The following SLCO1B3 variants were observed in gnomAD, a reference collection of about 807,000 sequenced individuals.
The protein encoded by SLCO1B3 is solute carrier organic anion transporter family member 1B3, also known as liver-specific organic anion transporter 2.
A neutral mutation model predicts 71.8 loss-of-function variants in SLCO1B3; 72 were observed. The ratio of observed to expected loss-of-function variants is 1.00; its 90% confidence interval spans 0.83 to 1.22. The LOEUF is 1.22. Ranked by LOEUF, SLCO1B3 falls within the 50% of genes most tolerant of loss-of-function variation. The probability of loss-of-function intolerance (pLI) is 0.00; values close to 1 mark genes in which losing one functional copy is unlikely to be tolerated. For synonymous variants in SLCO1B3, 298 were observed against 278.4 expected, an observed-to-expected ratio of 1.07 and a Z score of -0.70; for missense variants, 911 against 819.7, an observed-to-expected ratio of 1.11 and a Z score of -1.36.
chr12:20,862,642 A>G, intron 7 of SLCO1B3, 84 bp downstream of exon 7: 1 of 1,462,940 alleles, frequency 6.8e-7, no homozygotes, highest in South Asian at 1.3e-5. Flanking sequence ...TTTTTCTTTT[A>G]CCTATTAGAA....
At chr12:20,876,975 C>G (rs1450474546) in intron 9 of SLCO1B3, among the ~76,000 whole-genome samples, 1 of 152,004 alleles carries the variant, frequency 6.6e-6, no homozygotes, top group East Asian at 1.9e-4. Context: ...GGACTACAGG[C>G]ACACACTGCC....
At chr12:20,822,561 G>A (rs912969999) in intron 3 of SLCO1B3, among the ~76,000 whole-genome samples, 10 of 152,128 alleles carry the variant, frequency 6.6e-5, no homozygotes, top group African/African-American at 9.7e-5. Flanking sequence ...CCATCTCGGC[G>A]TATACGTGCA....
At chr12:20,886,518 G>C (rs1453700233) in intron 13 of SLCO1B3, among the ~76,000 whole-genome samples, 1 of 152,018 alleles carries the variant, frequency 6.6e-6, no homozygotes, top group African/African-American at 2.4e-5. Context: ...ATTGGGAAAG[G>C]ATCATGTCCT....
intron 2 of SLCO1B3, among the ~76,000 whole-genome samples, 159 bp from the exon 3 acceptor site, chr12:20,815,515 C>T (rs547981774): frequency 6.6e-6 from 1 of 152,168 alleles, no homozygotes; most frequent in East Asian, 1.9e-4. Flanking sequence ...CTTTCCTCCT[C>T]TGTGTCCAGC....
At chr12:20,860,933 A>C (rs943943196) in intron 5 of SLCO1B3, 84 bp from the exon 6 acceptor site, 28 of 1,346,038 alleles carry the variant, frequency 2.1e-5, no homozygotes, top group Admixed American at 4.9e-5. Flanking sequence ...GTTCAAATAA[A>C]GGAGAAAATT....
chr12:20,888,000 A>G (rs1565603151), intron 13 of SLCO1B3, among the ~76,000 whole-genome samples: 1 of 151,798 alleles, frequency 6.6e-6, no homozygotes. Flanking sequence ...CTCACTGTAT[A>G]TGTATTTGTT....
chr12:20,888,870 G>A (rs1865845512), intron 13 of SLCO1B3, among the ~76,000 whole-genome samples: 1 of 151,940 alleles, frequency 6.6e-6, no homozygotes, highest in Non-Finnish European at 1.5e-5. Flanking sequence ...TTTCTTCTAT[G>A]CCTAGTTTGG....
At chr12:20,899,564 T>TG in intron 14 of SLCO1B3, among the ~76,000 whole-genome samples, 1 of 152,292 alleles carries the variant, frequency 6.6e-6, no homozygotes, top group East Asian at 1.9e-4. Context: ...AGAGAGAAGA[T>TG]GAAGATGCTG....
At chr12:20,899,003 G>T (rs772046375) in intron 14 of SLCO1B3, among the ~76,000 whole-genome samples, 7 of 152,166 alleles carry the variant, frequency 4.6e-5, no homozygotes, top group Non-Finnish European at 1.0e-4. Context: ...ACCATTAGCA[G>T]GAGTTAATGC....
chr12:20,816,318 C>T (rs369664536), intron 3 of SLCO1B3, among the ~76,000 whole-genome samples: 10 of 151,978 alleles, frequency 6.6e-5, no homozygotes, highest in African/African-American at 2.4e-4. Flanking sequence ...TTTTTTGTAC[C>T]CATAAATCAT....
intron 3 of SLCO1B3, among the ~76,000 whole-genome samples, chr12:20,846,895 C>T (rs1420444236): frequency 6.6e-6 from 1 of 151,964 alleles, no homozygotes; most frequent in Non-Finnish European, 1.5e-5. Context: ...GAGACTTTAC[C>T]TCTTATCTCG....
At chr12:20,825,423 G>A (rs1413196584) in intron 3 of SLCO1B3, among the ~76,000 whole-genome samples, 1 of 152,122 alleles carries the variant, frequency 6.6e-6, no homozygotes, top group Non-Finnish European at 1.5e-5. Context: ...GTCTGAAGAT[G>A]AGGGTTTGAC....
chr12:20,820,983 C>A (rs565576247), intron 3 of SLCO1B3, among the ~76,000 whole-genome samples: 1 of 151,662 alleles, frequency 6.6e-6, no homozygotes, highest in African/African-American at 2.4e-5. Flanking sequence ...GGAGGGGAGG[C>A]GATAAAAAGT....
At chr12:20,886,604 G>A (rs1355147463) in intron 13 of SLCO1B3, among the ~76,000 whole-genome samples, 1 of 152,018 alleles carries the variant, frequency 6.6e-6, no homozygotes, top group African/African-American at 2.4e-5. Flanking sequence ...GTTCATAGGA[G>A]TTATGGACTA....
rs539055340 is a variant in SLCO1B3, at chr12:20,904,840, C to T, written c.1865+3373C>T. ...CCAGGCTGGAGTGCAGTGGCATGAT[C>T]TCAGCTTCCCGTAACCACCGCCTCC... On this transcript the variant is annotated intron_variant, in intron 15 of 15. Coordinates refer to ENST00000381545, the MANE Select transcript of SLCO1B3 (RefSeq NM_019844.4). Among the ~76,000 whole-genome samples the T allele has an allele frequency of 1.6e-3, 216 of 138,744 alleles. 2 individuals carry two copies. Among genetic ancestry groups the T allele is most frequent in the African/African-American group, 5.9e-3 (211 of 35,996 alleles). The allele number at this position is 138,744 out of a possible 152,430, so 91.0% of individuals were successfully genotyped here.
chr12:20,896,149 A>G (rs541964790), intron 13 of SLCO1B3, among the ~76,000 whole-genome samples: 2 of 152,312 alleles, frequency 1.3e-5, no homozygotes, highest in South Asian at 2.1e-4. Context: ...AGGGGCTACC[A>G]TGAAGACTTC....
rs1865188106 is a variant in SLCO1B3 at position 20,858,511 on chromosome 12, G to A, written c.299G>A (p.Gly100Asp). 6.3e-7 allele frequency: 1 copy of A among 1,599,816 alleles called. No individual in the cohort carries two copies. The highest frequency in any genetic ancestry group is 8.6e-7 in the Non-Finnish European group (1 of 1,167,046). Residue 100 changes from glycine (G) to aspartate (D), a missense_variant, in exon 5 of 16, where the codon GGT becomes GAT. Coordinates refer to ENST00000381545, the MANE Select transcript of SLCO1B3 (RefSeq NM_019844.4). ...KLHRPKLIGI[G>D]CLLMGTGSIL... ...CACAGACCGAAGTTAATTGGAATTG[G>A]TTGTCTCCTTATGGGAACTGGAAGT...
intron 3 of SLCO1B3, among the ~76,000 whole-genome samples, chr12:20,849,797 G>T (rs886874827): frequency 6.6e-6 from 1 of 150,394 alleles, no homozygotes; most frequent in Non-Finnish European, 1.5e-5. Context: ...ATAATTAAAG[G>T]AGTAAATCCA....
rs143051448 is a variant in SLCO1B3 at position 20,886,370 on chromosome 12, C to G, written c.1682+2768C>G. The stretch of plus-strand genomic sequence containing the variant: ...ATACAGATGCTATTTAAATCCAATG[C>G]CACATTGAGATCTTCTAGGGACTGG... On this transcript the variant is annotated intron_variant, in intron 13 of 15. Coordinates refer to ENST00000381545, the MANE Select transcript of SLCO1B3 (RefSeq NM_019844.4). 2.7e-3 allele frequency among the ~76,000 whole-genome samples: 409 copies of G among 152,040 alleles called. 1 individual carries two copies. The highest frequency in any genetic ancestry group is 9.5e-3 in the African/African-American group (393 of 41,492).
Sources: allele counts gnomAD v4.1 joint callset (sites outside exome capture counted in the v4.1 genomes callset), GRCh38; gene constraint gnomAD v4.1.1; transcripts MANE v1.5; gene names NCBI Gene and HGNC (gene_info 2026-07-23, HGNC 2026-07-21).